PHF8: variants seen among roughly 807,000 people sequenced by gnomAD.
PHF8 encodes the protein histone lysine demethylase PHF8.
A neutral mutation model predicts 74.4 loss-of-function variants in PHF8; 9 were observed. The observed-to-expected ratio is 0.12, with a 90% CI of 0.07 to 0.21. The LOEUF (loss-of-function observed/expected upper bound fraction) is 0.21. Among genes scored for constraint, PHF8 ranks in the 10% least tolerant of loss-of-function variants. PHF8 has a pLI of 1.00. For missense variants in PHF8, 478 were observed against 816.6 expected (o/e 0.59, Z 5.05); for synonymous variants, 311 against 316.6 (o/e 0.98, Z 0.19).
chrX:54,003,319 T>C (rs150158043), intron 8 of PHF8, among the ~76,000 whole-genome samples: 1,578 of 111,668 alleles, frequency 0.014, 13 homozygotes, highest in South Asian at 0.034. Flanking sequence ...TCTACAATAA[T>C]CTCAAATCTA....
In PHF8 at chrX:53,970,067, C is replaced by A. The variant is rs182962063; in HGVS notation, c.2444-7128G>T. Among the ~76,000 whole-genome samples the A allele has an allele frequency of 2.7e-5, 3 of 111,699 alleles. No homozygotes were observed. The East Asian group carries it at 8.4e-4, about 31-fold the overall frequency. Reference sequence around the variant, plus strand: ...AAATGCTATAGGACATTGGTCTGGGCAAAGATTGTTTTGGAGTAAGAACTC... The same window carrying A: ...AAATGCTATAGGACATTGGTCTGGGAAAAGATTGTTTTGGAGTAAGAACTC... On this transcript the variant is annotated intron_variant, in intron 18 of 21. Coordinates refer to ENST00000338154, the MANE Select transcript of PHF8 (RefSeq NM_015107.3).
chrX:53,940,334 G>A lies in PHF8; in HGVS notation c.2832C>T (p.Ala944=), dbSNP rs1557083080. Residue 944 remains alanine (A), a synonymous_variant, in exon 21 of 22, where the codon GCC becomes GCT. Transcript: ENST00000338154. ...PLPPPEPKQE[A]LSGSLADHEY... is the part of the protein sequence containing the mutation. ...CATGGTCAGCGAGACTTCCTGACAG[G>A]GCCTCTTGTTTAGGCTCAGGAGGAG... 2.5e-6 allele frequency: 3 copies of A among 1,209,983 alleles called. No individual in the cohort carries two copies. Among genetic ancestry groups the A allele is most frequent in the East Asian group, 5.9e-5 (2 of 33,809 alleles).
chrX:53,976,708 G>A (rs2065383590), intron 18 of PHF8, among the ~76,000 whole-genome samples: 1 of 105,155 alleles, frequency 9.5e-6, no homozygotes, highest in Non-Finnish European at 1.9e-5. Context: ...AAAAGACAAA[G>A]TGCCAGCAAG....
intron 2 of PHF8, among the ~76,000 whole-genome samples, chrX:54,041,666 C>G (rs184782132): frequency 4.4e-5 from 5 of 112,480 alleles, no homozygotes. Flanking sequence ...GAAGGAAATT[C>G]ATCAGTGGTT....
chrX:53,964,813 G>A (rs1393797303), intron 18 of PHF8, among the ~76,000 whole-genome samples: 11 of 104,215 alleles, frequency 1.1e-4, no homozygotes, highest in Non-Finnish European at 2.1e-4. Context: ...GTTGCAGTGA[G>A]CCAAGATCGT....
intron 18 of PHF8, among the ~76,000 whole-genome samples, chrX:53,983,894 C>T (rs1340363533): frequency 1.8e-5 from 2 of 112,112 alleles, no homozygotes; most frequent in African/African-American, 3.2e-5. Context: ...AACTACACTT[C>T]TGTCTACATA....
intron 19 of PHF8, among the ~76,000 whole-genome samples, chrX:53,949,124 G>A (rs1415505756): frequency 9.0e-6 from 1 of 110,930 alleles, no homozygotes; most frequent in African/African-American, 3.3e-5. Context: ...CCTGAGGTCA[G>A]GAGTTTGAGA....
chrX:53,967,305 G>T (rs1557093173), intron 18 of PHF8, among the ~76,000 whole-genome samples: 9 of 100,461 alleles, frequency 9.0e-5, no homozygotes, highest in African/African-American at 1.9e-4. Context: ...CGCCCCGTCC[G>T]GGAGGGAGGT....
At chrX:53,964,868 C>CAAAAAAAA (rs782274910) in intron 18 of PHF8, among the ~76,000 whole-genome samples, 1 of 37,771 alleles carries the variant, frequency 2.6e-5, no homozygotes, top group African/African-American at 9.4e-5. Context: ...AACTCTGCCT[C>CAAAAAAAA]AAAAAAAAAA....
Position 54,016,744 on chromosome X carries a change from A to G in PHF8, c.455-8T>C. 8.4e-7 allele frequency: 1 copy of G among 1,195,522 alleles called. No homozygotes were observed. Among genetic ancestry groups the G allele is most frequent in the Non-Finnish European group, 1.1e-6 (1 of 880,964 alleles). On this transcript the variant is annotated splice_region_variant and splice_polypyrimidine_tract_variant and intron_variant, in intron 5 of 21. Coordinates refer to ENST00000338154, the MANE Select transcript of PHF8 (RefSeq NM_015107.3). ...CAATCTCTTTGTCAGAACCTGGAGTAAAGAGATAGGTTCTGCACCAAGTAG... is the reference window on the plus strand; with the variant it reads ...CAATCTCTTTGTCAGAACCTGGAGTGAAGAGATAGGTTCTGCACCAAGTAG...
chrX:54,042,586 A>G (rs1557116211), intron 2 of PHF8, 45 bp downstream of exon 2: 1 of 1,087,720 alleles, frequency 9.2e-7, no homozygotes, highest in Admixed American at 2.3e-5. Context: ...GCAAGTGAAC[A>G]CACCTGGCCA....
chrX:53,975,466 C>A (rs781991116), intron 18 of PHF8, among the ~76,000 whole-genome samples: 8 of 112,327 alleles, frequency 7.1e-5, no homozygotes, highest in African/African-American at 2.6e-4. Context: ...ATGGAATCAA[C>A]CTAAGTGTCC....
chrX:53,975,323 A>G (rs1412997452), intron 18 of PHF8, among the ~76,000 whole-genome samples: 1 of 112,116 alleles, frequency 8.9e-6, no homozygotes, highest in Admixed American at 9.5e-5. Context: ...GGTGTCTCGA[A>G]AAAGTAAAAA....
chrX:53,970,858 G>A (rs1483018369), intron 18 of PHF8, among the ~76,000 whole-genome samples: 4 of 111,257 alleles, frequency 3.6e-5, no homozygotes, highest in Non-Finnish European at 5.7e-5. Context: ...AGTTCGTAGA[G>A]ACCTACAAAG....
rs1357999289 is a variant in PHF8 at position 54,033,176 on chromosome X, CA to C, written c.98+9454del. Reference sequence around the variant, plus strand: ...GGAGCGCAGTGTCTGAGAAGGCCTGCAAAAACAGAAGTCTTAAATAAGATCC... The same window carrying C: ...GGAGCGCAGTGTCTGAGAAGGCCTGCAAAACAGAAGTCTTAAATAAGATCC... On this transcript the variant is annotated intron_variant, in intron 2 of 21. Coordinates refer to ENST00000338154, the MANE Select transcript of PHF8 (RefSeq NM_015107.3). Among the ~76,000 whole-genome samples, 3 of 110,683 alleles carry C rather than the reference CA, an allele frequency of 2.7e-5. No individual in the cohort carries two copies. The Admixed American group carries it at 2.9e-4, about 11-fold the overall frequency.
chrX:53,999,810 C>T, intron 11 of PHF8, 60 bp downstream of exon 11: 6 of 723,525 alleles, frequency 8.3e-6, no homozygotes, highest in Non-Finnish European at 1.3e-5. Flanking sequence ...AACATCTACC[C>T]AAATCCAGTC....
chrX:53,953,789 A>G (rs2064969533), intron 19 of PHF8, among the ~76,000 whole-genome samples: 1 of 111,721 alleles, frequency 9.0e-6, no homozygotes, highest in South Asian at 3.7e-4. Context: ...TTTGGCAGCT[A>G]TTAGAACCCT....
chrX:53,940,390 G>A lies in PHF8; in HGVS notation c.2776C>T (p.Pro926Ser). The change falls in exon 21 of 22, where the codon CCA becomes TCA. Residue 926 changes from proline (P) to serine (S), a missense_variant. Physicochemically the swap from Pro to Ser is moderately conservative, Grantham distance 74 (BLOSUM62 -1). Transcript: ENST00000338154. ...GGTGAGGAGGAGGTGACAAGTTGTG[G>A]TGTGGCAGCCACAGTGGGGGCTGGT... is the stretch of plus-strand genomic sequence containing the variant. ...TVPAPTVAAT[P>S]QLVTSSSPLP... 8.3e-7 allele frequency: 1 copy of A among 1,209,618 alleles called. No homozygotes were observed.
Position 54,037,533 on chromosome X carries a change from G to T in PHF8, c.98+5098C>A, listed in dbSNP as rs191614792. Among the ~76,000 whole-genome samples, 10 of 112,204 alleles carry T rather than the reference G, an allele frequency of 8.9e-5. No homozygotes were observed. In the Admixed American group the frequency reaches 9.5e-4, roughly 11 times the overall value. On this transcript the variant is annotated intron_variant, in intron 2 of 21. Coordinates refer to ENST00000338154, the MANE Select transcript of PHF8 (RefSeq NM_015107.3). ...AAGTGCTGGGATTATAGGCATGAAT[G>T]ACATCACATGCCCAGCCTGATACAT...
Sources: gnomAD v4.1 joint callset for allele counts (sites outside exome capture counted in the v4.1 genomes callset) on GRCh38, gnomAD v4.1.1 for gene constraint, MANE v1.5 for transcripts, NCBI Gene and HGNC (gene_info 2026-07-23, HGNC 2026-07-21) for gene names.